The following MSH4 variants were observed in gnomAD, a reference collection of about 807,000 sequenced individuals.
MSH4 encodes mutS homolog 4.
Under a neutral mutation model 113.7 loss-of-function variants are expected in MSH4, and 106 were observed. The ratio of observed to expected loss-of-function variants is 0.93; its 90% CI spans 0.80 to 1.10. The LOEUF is 1.10. Among genes scored for constraint, MSH4 ranks in the 50% least tolerant of loss-of-function variants. MSH4 has a pLI of 0.00. For missense variants in MSH4, 1,061 were observed against 1,093.7 expected (o/e 0.97, Z 0.42); for synonymous variants, 368 against 380.2 (o/e 0.97, Z 0.37).
chr1:75,872,675 A>G (rs1018637563), intron 9 of MSH4, among the ~76,000 whole-genome samples: 1 of 152,262 alleles, frequency 6.6e-6, no homozygotes, highest in African/African-American at 2.4e-5. Context: ...TGGTATACTG[A>G]TCATGAAACA....
chr1:75,796,961 CTCGGGTCAGGGAAGG>C lies in MSH4; in HGVS notation c.-23_-9del, dbSNP rs1175355233. On this transcript the variant is annotated 5_prime_UTR_variant, in exon 1 of 20. Coordinates refer to ENST00000263187, the MANE Select transcript of MSH4 (RefSeq NM_002440.4). ...GGGGTCGCTCAGAAACCTCATACTT[CTCGGGTCAGGGAAGG>C]TTTGGGAGGATGCTGAGGCCTGAGA... The C allele has an allele frequency of 6.2e-7, 1 of 1,612,876 alleles. No individual in the cohort carries two copies. Among genetic ancestry groups the C allele is most frequent in the African/African-American group, 1.3e-5 (1 of 74,918 alleles).
chr1:75,909,849 C>T (rs1404979125), intron 19 of MSH4, among the ~76,000 whole-genome samples: 1 of 151,880 alleles, frequency 6.6e-6, no homozygotes, highest in Non-Finnish European at 1.5e-5. Flanking sequence ...CTTGAACCTC[C>T]CCTCCTTCAA....
chr1:75,799,040 T>C (rs1649879219), intron 1 of MSH4, among the ~76,000 whole-genome samples: 1 of 152,176 alleles, frequency 6.6e-6, no homozygotes, highest in African/African-American at 2.4e-5. Context: ...TCTTTACAGA[T>C]TTATCCCTCA....
intron 7 of MSH4, among the ~76,000 whole-genome samples, chr1:75,835,071 G>T (rs1013096481): frequency 2.0e-5 from 3 of 152,138 alleles, no homozygotes; most frequent in Admixed American, 1.3e-4. Context: ...TCCAGTATTT[G>T]GTTGCTTTCA....
chr1:75,834,906 A>G (rs1352911748), intron 7 of MSH4, among the ~76,000 whole-genome samples: 1 of 152,262 alleles, frequency 6.6e-6, no homozygotes, highest in Admixed American at 6.5e-5. Flanking sequence ...CATGTACCCT[A>G]GAACTTAAAG....
intron 12 of MSH4, among the ~76,000 whole-genome samples, chr1:75,879,528 A>G (rs538673856): frequency 8.5e-5 from 13 of 152,328 alleles, no homozygotes; most frequent in Non-Finnish European, 1.5e-4. Flanking sequence ...AATTTTTCCT[A>G]TATAGCTCCT....
intron 8 of MSH4, among the ~76,000 whole-genome samples, chr1:75,860,534 G>T (rs1238109088): frequency 6.6e-6 from 1 of 152,252 alleles, no homozygotes; most frequent in South Asian, 2.1e-4. Flanking sequence ...TCTTAGTTTG[G>T]CTGGATATGA....
rs771886852 is a variant in MSH4 at position 75,898,053 on chromosome 1, T to C, written c.2502T>C (p.Ser834=). ...KEAILYTYKL[S]KGLTEEKNYG... The stretch of plus-strand genomic sequence containing the variant: ...CAATTTTGTATACCTACAAACTTTC[T>C]AAGGGACTCACAGAAGAGAAAAATT... Residue 834 remains serine (S), a synonymous_variant, in exon 18 of 20, where the codon TCT becomes TCC. Transcript: ENST00000263187. 1.9e-6 allele frequency: 3 copies of C among 1,591,826 alleles called. No individual in the cohort carries two copies. Among genetic ancestry groups the C allele is most frequent in the Admixed American group, 1.7e-5 (1 of 57,188 alleles).
chr1:75,885,959 ATTATATAGCATGTATAGTATATATGATG>A (rs1652091002), intron 15 of MSH4, among the ~76,000 whole-genome samples: 2 of 115,120 alleles, frequency 1.7e-5, no homozygotes, highest in Non-Finnish European at 3.3e-5. Flanking sequence ...TATATGATGT[ATTATATAGCATGTATAGTATATATGATG>A]TATTATATAG....
At chr1:75,912,204 A>G (rs1652801969) in intron 19 of MSH4, among the ~76,000 whole-genome samples, 1 of 152,122 alleles carries the variant, frequency 6.6e-6, no homozygotes, top group Non-Finnish European at 1.5e-5. Context: ...CAATTTTCTG[A>G]TGACCCATTC....
chr1:75,907,684 C>CTCTCTACATATATA (rs1307238647), intron 19 of MSH4, among the ~76,000 whole-genome samples: 1 of 46,576 alleles, frequency 2.1e-5, no homozygotes, highest in African/African-American at 9.9e-5. Context: ...CTCTCTCTCT[C>CTCTCTACATATATA]TATACATATA....
intron 15 of MSH4, among the ~76,000 whole-genome samples, chr1:75,885,879 G>C (rs1166513826): frequency 7.9e-6 from 1 of 126,028 alleles, no homozygotes; most frequent in East Asian, 2.3e-4. Context: ...GTATTATATA[G>C]TATATATTAT....
At chr1:75,841,893 A>G (rs548744921) in intron 7 of MSH4, among the ~76,000 whole-genome samples, 11 of 152,320 alleles carry the variant, frequency 7.2e-5, no homozygotes, top group African/African-American at 2.6e-4. Flanking sequence ...GCCTATTCTA[A>G]TTTTTTAAAC....
At chr1:75,839,557 C>G (rs7541791) in intron 7 of MSH4, among the ~76,000 whole-genome samples, 145,502 of 152,272 alleles carry the variant, frequency 0.96, 69,882 homozygotes, top group East Asian at 1. Context: ...TAAAGTAGAG[C>G]AGCAGGGCAT....
intron 1 of MSH4, among the ~76,000 whole-genome samples, chr1:75,797,683 G>A (rs1649847714): frequency 6.6e-6 from 1 of 152,176 alleles, no homozygotes; most frequent in Admixed American, 6.5e-5. Context: ...TGTAATCCCA[G>A]CACTTTGGGA....
At chr1:75,884,313 G>A (rs1318006369) in intron 15 of MSH4, among the ~76,000 whole-genome samples, 1 of 152,008 alleles carries the variant, frequency 6.6e-6, no homozygotes, top group East Asian at 1.9e-4. Context: ...ATACACATGT[G>A]CATACATGCA....
intron 9 of MSH4, among the ~76,000 whole-genome samples, chr1:75,875,154 G>A (rs914975120): frequency 2.6e-5 from 4 of 152,132 alleles, no homozygotes; most frequent in African/African-American, 4.8e-5. Context: ...TTAGCCCCTC[G>A]AAGTGGTGGG....
Position 75,796,914 on chromosome 1 carries a change from C to T in MSH4, c.-72C>T. On this transcript the variant is annotated 5_prime_UTR_variant, in exon 1 of 20. Coordinates refer to ENST00000263187, the MANE Select transcript of MSH4 (RefSeq NM_002440.4). ...TCTCCCGCCCGTTTCAGCGGCGCAG[C>T]TTCTGTAGTTGGGCTACTGGAGGGG... 1 of 1,593,010 alleles carries T rather than the reference C, an allele frequency of 6.3e-7. No homozygotes were observed. The highest frequency in any genetic ancestry group is 1.1e-5 in the South Asian group (1 of 88,442).
chr1:75,897,757 AAT>A (rs1448643976), intron 17 of MSH4, 148 bp from the exon 18 acceptor site: 1 of 431,180 alleles, frequency 2.3e-6, no homozygotes, highest in African/African-American at 2.0e-5. Context: ...ATGGATTGAT[AAT>A]GTTAGCCTCC....
Sources: gnomAD v4.1 joint callset for allele counts (sites outside exome capture counted in the v4.1 genomes callset) on GRCh38, gnomAD v4.1.1 for gene constraint, MANE v1.5 for transcripts, NCBI Gene and HGNC (gene_info 2026-07-23, HGNC 2026-07-21) for gene names.